The following MAK variants were observed in gnomAD, a reference collection of about 807,000 sequenced individuals.
MAK encodes the protein serine/threonine-protein kinase MAK.
Under a neutral mutation model 82.6 loss-of-function variants are expected in MAK, and 65 were observed. The ratio of observed to expected loss-of-function variants is 0.79; its 90% CI spans 0.64 to 0.97. The LOEUF (loss-of-function observed/expected upper bound fraction) is 0.97, where lower values mean the gene tolerates loss of function less well. Among genes scored for constraint, MAK ranks in the 50% least tolerant of loss-of-function variants. MAK has a pLI of 0.00. For synonymous variants in MAK, 250 were observed against 274.2 expected (o/e 0.91, Z 0.87); for missense variants, 703 against 780.2 (o/e 0.90, Z 1.18).
At chr6:10,815,912 G>GTGTGTGTGTATATATATATATA (rs1554184483) in intron 4 of MAK, among the ~76,000 whole-genome samples, 14 of 108,336 alleles carry the variant, frequency 1.3e-4, no homozygotes, top group South Asian at 2.9e-4. Context: ...GCTTTATACA[G>GTGTGTGTGTATATATATATATA]TATATATATA....
chr6:10,764,119 C>CTA lies in MAK; in HGVS notation c.*331_*332dup, dbSNP rs886060928. On this transcript the variant is annotated 3_prime_UTR_variant, in exon 15 of 15. Coordinates refer to ENST00000354489, the MANE Select transcript of MAK (RefSeq NM_001242957.3). Reference sequence around the variant, plus strand: ...TACAACAAATGAAAACTAAAACACTCTAAACATTTTCTGGAAGTTGTTTTT... The same window carrying CTA: ...TACAACAAATGAAAACTAAAACACTCTATAAACATTTTCTGGAAGTTGTTTTT... 5.9e-5 allele frequency: 15 copies of CTA among 252,126 alleles called. No homozygotes were observed. Among genetic ancestry groups the CTA allele is most frequent in the Non-Finnish European group, 4.6e-5 (6 of 129,614 alleles). The allele number at this position is 252,126 out of a possible 1,614,324, so 15.6% of individuals were successfully genotyped here. A position where few individuals can be genotyped will look rare whatever the true frequency, so the allele number is the denominator to read the frequency against.
At chr6:10,837,235 G>T (rs1033736924) in intron 1 of MAK, among the ~76,000 whole-genome samples, 5 of 152,120 alleles carry the variant, frequency 3.3e-5, no homozygotes, top group South Asian at 2.1e-4. Context: ...AAAAAGCAAC[G>T]CAGGAAAAAA....
intron 10 of MAK, among the ~76,000 whole-genome samples, chr6:10,790,626 A>C (rs1004438236): frequency 6.6e-6 from 1 of 152,216 alleles, no homozygotes; most frequent in Non-Finnish European, 1.5e-5. Context: ...CCATCAGAAG[A>C]AGCTGTTAAC....
intron 11 of MAK, among the ~76,000 whole-genome samples, chr6:10,782,262 A>G (rs955460723): frequency 2.0e-5 from 3 of 151,564 alleles, no homozygotes; most frequent in African/African-American, 4.9e-5. Flanking sequence ...ACACACACCA[A>G]AACTATTTAA....
intron 8 of MAK, 96 bp downstream of exon 8, chr6:10,801,796 C>G (rs1776035735): frequency 1.7e-6 from 2 of 1,172,656 alleles, no homozygotes; most frequent in African/African-American, 3.0e-5. Context: ...TTAGTAAAAT[C>G]CTGGTTGAGA....
intron 1 of MAK, 65 bp downstream of exon 1, chr6:10,838,438 G>A (rs1205387973): frequency 6.6e-6 from 1 of 152,340 alleles, no homozygotes; most frequent in East Asian, 1.9e-4. Flanking sequence ...GGCTCCGGCT[G>A]GGTCGGACAG....
chr6:10,821,105 C>T (rs1404635522), intron 2 of MAK, among the ~76,000 whole-genome samples: 4 of 151,992 alleles, frequency 2.6e-5, no homozygotes, highest in Admixed American at 6.6e-5. Flanking sequence ...CATGCCACCA[C>T]GCCCAGCAAC....
chr6:10,764,688 G>A, intron 14 of MAK, 82 bp from the exon 15 acceptor site: 1 of 1,276,784 alleles, frequency 7.8e-7, no homozygotes, highest in Non-Finnish European at 1.1e-6. Context: ...CCTCTCATTT[G>A]ATGGGGAAAA....
At chr6:10,794,994 A>AAAT (rs61082229) in intron 9 of MAK, among the ~76,000 whole-genome samples, 33,329 of 150,354 alleles carry the variant, frequency 0.22, 3,909 homozygotes, top group East Asian at 0.4. Context: ...CTCTGTCTCA[A>AAAT]AATAATAATA....
chr6:10,817,129 A>AGT (rs60627741), intron 4 of MAK, among the ~76,000 whole-genome samples: 4,683 of 149,904 alleles, frequency 0.031, 185 homozygotes, highest in African/African-American at 0.09. Flanking sequence ...CTTGAGCGAG[A>AGT]GTGTGTGTGT....
Position 10,818,960 on chromosome 6 carries a change from G to A in MAK, c.102-20C>T, listed in dbSNP as rs1360589086. On this transcript the variant is annotated intron_variant, in intron 2 of 14. Coordinates refer to ENST00000354489, the MANE Select transcript of MAK (RefSeq NM_001242957.3). ...TTCATCCTAAAATAAATTAGGGAAA[G>A]TTTAGTGTTCAGGGATTGAGGATTC... 2 of 1,419,910 alleles carry A rather than the reference G, an allele frequency of 1.4e-6. No homozygotes were observed. The highest frequency in any genetic ancestry group is 2.0e-6 in the Non-Finnish European group (2 of 1,006,322). 88.0% of individuals were successfully genotyped at this position (1,419,910 alleles called of 1,614,324 possible).
chr6:10,808,948 T>C lies in MAK; in HGVS notation c.359-6A>G. On this transcript the variant is annotated splice_polypyrimidine_tract_variant and splice_region_variant and intron_variant, in intron 5 of 14. Transcript: ENST00000354489. ...CATGTCCCTATGAAAAAAGCCTTGA[T>C]GATATACGGAGAAAAAAAAATACAG... The C allele has an allele frequency of 6.2e-7, 1 of 1,611,540 alleles. No homozygotes were observed. Among genetic ancestry groups the C allele is most frequent in the Non-Finnish European group, 8.5e-7 (1 of 1,177,958 alleles).
intron 10 of MAK, among the ~76,000 whole-genome samples, chr6:10,790,921 TAA>T (rs1284110427): frequency 4.6e-5 from 7 of 152,308 alleles, no homozygotes; most frequent in African/African-American, 1.7e-4. Flanking sequence ...CTTGATCGTT[TAA>T]AAGAGTCTGG....
intron 5 of MAK, among the ~76,000 whole-genome samples, chr6:10,810,053 A>G (rs539491295): frequency 6.8e-6 from 1 of 147,502 alleles, no homozygotes; most frequent in South Asian, 2.1e-4. Context: ...AGCTGAGATC[A>G]TGCCACCGCA....
At chr6:10,765,911 A>T (rs1175565259) in intron 14 of MAK, among the ~76,000 whole-genome samples, 1 of 152,222 alleles carries the variant, frequency 6.6e-6, no homozygotes, top group African/African-American at 2.4e-5. Flanking sequence ...TTTGTGAAAA[A>T]TTTAAAATTT....
Position 10,775,430 on chromosome 6 carries a change from C to A in MAK, c.1495G>T (p.Ala499Ser). ...TGGGGGTTTATTTCCTTTCCACTGG[C>A]TATCAAGGACACCTTCTTGGGATTC... ...GVNPKKVSLI[A>S]SGKEINPHTW... Residue 499 changes from alanine (A) to serine (S), a missense_variant, in exon 12 of 15, where the codon GCC (alanine) becomes TCC (serine). Transcript: ENST00000354489. The A allele has an allele frequency of 6.2e-7, 1 of 1,613,710 alleles. No individual in the cohort carries two copies. Among genetic ancestry groups the A allele is most frequent in the South Asian group, 1.1e-5 (1 of 91,080 alleles).
intron 2 of MAK, chr6:10,827,605 C>A (rs1778482139): frequency 1.3e-5 from 2 of 152,120 alleles, no homozygotes; most frequent in Non-Finnish European, 2.9e-5. Flanking sequence ...CGTACTAATT[C>A]ACATTAATAT....
rs1278943672 is a variant in MAK at position 10,793,504 on chromosome 6, A to T, written c.1144-1657T>A. Among the ~76,000 whole-genome samples, 1 of 152,214 alleles carries T rather than the reference A, an allele frequency of 6.6e-6. No homozygotes were observed. Among genetic ancestry groups the T allele is most frequent in the Non-Finnish European group, 1.5e-5 (1 of 68,044 alleles). ...ATTCAAAAATAATTAGAAATTGAAG[A>T]GGTAAGAGATCTTGCAACTTTTTGA... is the stretch of plus-strand genomic sequence containing the variant. On this transcript the variant is annotated intron_variant, in intron 9 of 14. Coordinates refer to ENST00000354489, the MANE Select transcript of MAK (RefSeq NM_001242957.3). The surrounding 1 kb of genome is among the most constrained non-coding windows in gnomAD (Gnocchi z 4.6).
chr6:10,790,456 A>G (rs2127540919), intron 10 of MAK, among the ~76,000 whole-genome samples: 1 of 152,312 alleles, frequency 6.6e-6, no homozygotes, highest in East Asian at 1.9e-4. Flanking sequence ...ATTCACCAAA[A>G]CTTAACCCAT....
Sources: gnomAD v4.1 joint callset for allele counts (sites outside exome capture counted in the v4.1 genomes callset) on GRCh38, gnomAD v4.1.1 for gene constraint, Gnocchi (gnomAD v3.1) non-coding constraint, MANE v1.5 for transcripts, NCBI Gene and HGNC (gene_info 2026-07-23, HGNC 2026-07-21) for gene names.